Variants in HLA-DQB1 observed in about 807,000 individuals in gnomAD.
The protein encoded by HLA-DQB1 is major histocompatibility complex, class II, DQ beta 1, also known as HLA class II histocompatibility antigen, DQ beta 1 chain.
In HLA-DQB1, 13 loss-of-function variants were observed where a neutral mutation model predicts 26.4. That is an observed-to-expected ratio of 0.49 (90% CI 0.32 to 0.78). HLA-DQB1 has a LOEUF of 0.78. Ranked by LOEUF, HLA-DQB1 falls within the 30% of genes least tolerant of loss-of-function variation. The pLI is 0.03. For synonymous variants in HLA-DQB1, 60 were observed against 129.1 expected (o/e 0.46, Z 3.63); for missense variants, 158 against 326.2 (o/e 0.48, Z 3.97).
Position 32,661,840 on chromosome 6 carries a change from AG to A in HLA-DQB1, c.661+126del, listed in dbSNP as rs1783079932. On this transcript the variant is annotated intron_variant, in intron 3 of 4. Transcript: ENST00000434651. ...TCTGATGCACTTGCCATGGAGCAAG[AG>A]GTGCTCTAGTCTCCTGTGATTCCCA... is the stretch of plus-strand genomic sequence containing the variant. The A allele has an allele frequency of 1.9e-5, 15 of 771,468 alleles. No homozygotes were observed. In the South Asian group the frequency reaches 2.7e-4, roughly 14 times the overall value. The allele number at this position is 771,468 out of a possible 1,614,324, so 47.8% of individuals were successfully genotyped here. A position where few individuals can be genotyped will look rare whatever the true frequency, so the allele number is the denominator to read the frequency against.
intron 4 of HLA-DQB1, chr6:32,660,697 G>GCC (rs1301773236): frequency 0.2 from 84,635 of 424,216 alleles, 13,113 homozygotes; most frequent in Middle Eastern, 0.31. Flanking sequence ...GGGGAACAAT[G>GCC]TCTGGAGATT....
At chr6:32,665,493 C>T (rs114868939) in intron 1 of HLA-DQB1, among the ~76,000 whole-genome samples, 27,809 of 99,598 alleles carry the variant, frequency 0.28, 4,704 homozygotes, top group Middle Eastern at 0.32. Context: ...GGAATTAAGC[C>T]TGGCCTCGTT....
Position 32,661,750 on chromosome 6 carries a change from ATT to A in HLA-DQB1, c.661+215_661+216del, listed in dbSNP as rs1783061786. The A allele has an allele frequency of 1.0e-5, 5 of 495,592 alleles. No homozygotes were observed. The East Asian group carries it at 1.9e-4, about 19-fold the overall frequency. 30.7% of individuals were successfully genotyped at this position (495,592 alleles called of 1,614,324 possible). Reference sequence around the variant, plus strand: ...GTCCCTCAGAGCTATCAGGACTGGGATTCAGAGCAACAGTATGTAGAGTAATT... The same window carrying A: ...GTCCCTCAGAGCTATCAGGACTGGGACAGAGCAACAGTATGTAGAGTAATT... On this transcript the variant is annotated intron_variant, in intron 3 of 4. Transcript: ENST00000434651.
At chr6:32,661,866 A>T in intron 3 of HLA-DQB1, 101 bp downstream of exon 3, 1 of 962,942 alleles carries the variant, frequency 1.0e-6, no homozygotes, top group Non-Finnish European at 1.6e-6. Flanking sequence ...TGTGATTCCC[A>T]GCTCAGTAGT....
At chr6:32,661,255 C>A (rs73729446) in intron 4 of HLA-DQB1, 92 bp downstream of exon 4, 1 of 552,722 alleles carries the variant, frequency 1.8e-6, no homozygotes, top group Non-Finnish European at 3.0e-6. Context: ...TTCTCAGGGT[C>A]AGGAGGAAAG....
chr6:32,661,632 A>G (rs9273754), intron 3 of HLA-DQB1, 175 bp from the exon 4 acceptor site: 264,923 of 412,676 alleles, frequency 0.64, 106,012 homozygotes, highest in South Asian at 0.83. Context: ...GATACAGTGA[A>G]TAGGTGAGAG....
rs281862132 is a variant in HLA-DQB1, at chr6:32,664,788, C to A, written c.379+10G>T. 66 of 1,005,802 alleles carry A rather than the reference C, an allele frequency of 6.6e-5. 23 individuals carry two copies. Among genetic ancestry groups the A allele is most frequent in the Middle Eastern group, 5.3e-4 (2 of 3,778 alleles). 62.3% of individuals were successfully genotyped at this position (1,005,802 alleles called of 1,614,324 possible). A position where few individuals can be genotyped will look rare whatever the true frequency, so the allele number is the denominator to read the frequency against. ...AAGGGTGGGCCTCACGGAGGGGCGA[C>A]GACGCTCACCTCTCCTCTGCAAGAT... On this transcript the variant is annotated intron_variant, in intron 2 of 4. Coordinates refer to ENST00000434651, the Ensembl canonical transcript of HLA-DQB1.
chr6:32,661,010 C>T (rs9273541), intron 4 of HLA-DQB1: 55,209 of 552,652 alleles, frequency 0.1, 4,130 homozygotes, highest in Admixed American at 0.23. Flanking sequence ...AGGCCTTCAG[C>T]ACCCTAATTT....
At chr6:32,660,484 A>T in intron 4 of HLA-DQB1, 1 of 360,038 alleles carries the variant, frequency 2.8e-6, no homozygotes, top group Non-Finnish European at 5.0e-6. Flanking sequence ...TCTGGGGAAT[A>T]TGAAGGGTTC....
At chr6:32,665,729 A>ATCCACATTGGG (rs375691953) in intron 1 of HLA-DQB1, among the ~76,000 whole-genome samples, 1 of 139,330 alleles carries the variant, frequency 7.2e-6, no homozygotes, top group South Asian at 2.4e-4. Flanking sequence ...AGGTTATGTA[A>ATCCACATTGGG]CAGAATATCC....
chr6:32,660,609 C>T, intron 4 of HLA-DQB1: 1 of 427,050 alleles, frequency 2.3e-6, no homozygotes, highest in Non-Finnish European at 4.2e-6. Context: ...TGGGCATCAT[C>T]CTAGTGTCTA....
At chr6:32,663,479 A>T (rs9274239) in intron 2 of HLA-DQB1, 1 of 138,278 alleles carries the variant, frequency 7.2e-6, no homozygotes, top group African/African-American at 2.6e-5. Flanking sequence ...TGGCTTTAAC[A>T]AGGCCTTACA....
rs767838386 is a variant in HLA-DQB1, at chr6:32,664,970, G to T, written c.207C>A (p.Tyr69Ter). ...CCCCCACGTCGCTGTCGAAGCGCGC[G>T]TACTCCTCTCGGTTATAGATGTATC... Residue 69 changes from tyrosine to a stop codon, truncating the protein, a stop_gained, in exon 2 of 5, where the codon TAC becomes TAA. Coordinates refer to ENST00000434651, the Ensembl canonical transcript of HLA-DQB1. LOFTEE classifies it high-confidence loss of function. The T allele has an allele frequency of 9.5e-6, 13 of 1,362,956 alleles. 1 individual carries two copies. In the South Asian group the frequency reaches 1.6e-4, roughly 16 times the overall value. The allele number at this position is 1,362,956 out of a possible 1,614,324, so 84.4% of individuals were successfully genotyped here.
chr6:32,665,090 C>A, intron 1 of HLA-DQB1, 23 bp from the exon 2 acceptor site: 2 of 1,209,102 alleles, frequency 1.7e-6, no homozygotes, highest in South Asian at 2.8e-5. Flanking sequence ...ACCGGCCGGT[C>A]AGTCAGGCCC....
chr6:32,666,602 A>G lies in HLA-DQB1; in HGVS notation c.6T>C (p.Ser2=). The G allele has an allele frequency of 2.7e-6, 3 of 1,096,006 alleles. No individual in the cohort carries two copies. In the South Asian group the frequency reaches 4.1e-5, roughly 15 times the overall value. The allele number at this position is 1,096,006 out of a possible 1,614,324, so 67.9% of individuals were successfully genotyped here. ...CGGGGATCCGCAAAGCCTTCTTCCA[A>G]GACATAACTGAGACGAAGGGAAAAG... Residue 2 remains serine (S), a synonymous_variant, in exon 1 of 5, where the codon TCT becomes TCC. Transcript: ENST00000434651.
At chr6:32,664,568 G>T (rs281862257) in intron 2 of HLA-DQB1, 2 of 245,972 alleles carry the variant, frequency 8.1e-6, no homozygotes, top group Non-Finnish European at 1.4e-5. Context: ...GGACGGGGAG[G>T]CTGGGGGGGA....
exon 5 of HLA-DQB1, chr6:32,659,895 A>G: frequency 5.5e-6 from 1 of 180,788 alleles, no homozygotes; most frequent in Non-Finnish European, 1.1e-5. Flanking sequence ...ATAACTCAGG[A>G]TCATGTTTAA....
intron 4 of HLA-DQB1, chr6:32,660,793 A>C: frequency 1.1e-6 from 1 of 899,688 alleles, no homozygotes; most frequent in Non-Finnish European, 1.7e-6. Context: ...GGTCAGGTAC[A>C]CTCAGCTCAT....
intron 2 of HLA-DQB1, chr6:32,663,066 T>A (rs17843719): frequency 0.29 from 37,068 of 126,092 alleles, 7,360 homozygotes; most frequent in Middle Eastern, 0.41. Context: ...AATGGCACTC[T>A]TGAGCCATCA....
Sources: gnomAD v4.1 joint callset for allele counts (sites outside exome capture counted in the v4.1 genomes callset) on GRCh38, gnomAD v4.1.1 for gene constraint, MANE v1.5 for transcripts, NCBI Gene and HGNC (gene_info 2026-07-23, HGNC 2026-07-21) for gene names.